Variants in USP13 observed in about 807,000 individuals in gnomAD.
The protein encoded by USP13 is ubiquitin carboxyl-terminal hydrolase 13.
In USP13, 68 loss-of-function variants were observed where a neutral mutation model predicts 107.8. The observed-to-expected ratio is 0.63, with a 90% confidence interval of 0.52 to 0.77. USP13 has a LOEUF of 0.77. Among genes scored for constraint, USP13 ranks in the 30% least tolerant of loss-of-function variants. The pLI, the probability that USP13 is intolerant of heterozygous loss-of-function variation, is 0.00. For synonymous variants in USP13, 377 were observed against 389.5 expected, an observed-to-expected ratio of 0.97 and a Z score of 0.38; for missense variants, 945 against 1,093.3, an observed-to-expected ratio of 0.86 and a Z score of 1.91.
chr3:179,719,094 G>A (rs1713213615), intron 6 of USP13, among the ~76,000 whole-genome samples: 2 of 152,076 alleles, frequency 1.3e-5, no homozygotes, highest in Admixed American at 6.6e-5. Context: ...GAGAAGCCAG[G>A]TTCAGTCAAA....
chr3:179,656,225 T>C (rs1039514935), intron 1 of USP13, among the ~76,000 whole-genome samples: 1 of 152,252 alleles, frequency 6.6e-6, no homozygotes, highest in Non-Finnish European at 1.5e-5. Flanking sequence ...AAGATACATT[T>C]GGCAAGTAGC....
intron 10 of USP13, among the ~76,000 whole-genome samples, chr3:179,731,425 A>G (rs768267718): frequency 6.6e-6 from 1 of 152,118 alleles, no homozygotes; most frequent in East Asian, 1.9e-4. Context: ...CAAACAAAAA[A>G]CAACACATAG....
chr3:179,763,952 A>C, intron 17 of USP13, 50 bp from the exon 18 acceptor site: 5 of 485,378 alleles, frequency 1.0e-5, no homozygotes, highest in African/African-American at 2.1e-5. Context: ...TTTCAGGACA[A>C]AAAAAAAAAA....
intron 13 of USP13, among the ~76,000 whole-genome samples, chr3:179,751,720 CA>C (rs1261786578): frequency 6.6e-6 from 1 of 151,892 alleles, no homozygotes; most frequent in Non-Finnish European, 1.5e-5. Context: ...GAAACAGGTC[CA>C]AAAGCATTCT....
At chr3:179,752,186 A>G in intron 13 of USP13, 99 bp from the exon 14 acceptor site, 1 of 983,400 alleles carries the variant, frequency 1.0e-6, no homozygotes, top group Non-Finnish European at 1.6e-6. Flanking sequence ...AGCCATTGGA[A>G]TGGCCAGGTG....
intron 19 of USP13, among the ~76,000 whole-genome samples, chr3:179,776,411 C>T (rs1715540629): frequency 1.3e-5 from 2 of 152,144 alleles, no homozygotes; most frequent in African/African-American, 4.8e-5. Context: ...GTTTCATAAA[C>T]TCTTTTTAAA....
chr3:179,779,309 G>T (rs1413058214), intron 19 of USP13, among the ~76,000 whole-genome samples: 2 of 151,874 alleles, frequency 1.3e-5, no homozygotes, highest in East Asian at 3.9e-4. Flanking sequence ...CGAGATGGGT[G>T]GATCATGAGG....
Position 179,763,950 on chromosome 3 carries a change from CAAAAAAA to C in USP13, c.2093-39_2093-33del, listed in dbSNP as rs556912091. 7.1e-5 allele frequency: 88 copies of C among 1,234,074 alleles called. No individual in the cohort carries two copies. In the Middle Eastern group the frequency reaches 7.7e-4, roughly 11 times the overall value. The allele number at this position is 1,234,074 out of a possible 1,614,324, so 76.4% of individuals were successfully genotyped here. On this transcript the variant is annotated intron_variant, in intron 17 of 20. Transcript: ENST00000263966. ...TTTCCTTGTTAGTGTTGTTTCAGGA[CAAAAAAA>C]AAAAAAAAAAAAGGAAAAGACTTGG... is the stretch of plus-strand genomic sequence containing the variant.
chr3:179,730,339 A>G, intron 9 of USP13, 79 bp downstream of exon 9: 1 of 1,386,612 alleles, frequency 7.2e-7, no homozygotes, highest in Non-Finnish European at 1.0e-6. Context: ...TCTGGGTTGC[A>G]AAATTAAAGG....
At chr3:179,736,601 C>T (rs755868388) in intron 10 of USP13, among the ~76,000 whole-genome samples, 6 of 152,146 alleles carry the variant, frequency 3.9e-5, no homozygotes, top group Admixed American at 2.6e-4. Flanking sequence ...TCTAAATGAT[C>T]GACAACTCTC....
intron 10 of USP13, among the ~76,000 whole-genome samples, chr3:179,731,629 T>C (rs149423235): frequency 8.6e-4 from 131 of 152,332 alleles, no homozygotes; most frequent in African/African-American, 2.9e-3. Flanking sequence ...GCATTTCCAC[T>C]GGACCCTCCC....
intron 1 of USP13, among the ~76,000 whole-genome samples, chr3:179,679,022 C>T (rs150382730): frequency 0.011 from 1,606 of 152,202 alleles, 24 homozygotes; most frequent in Middle Eastern, 0.017. Flanking sequence ...GTATATGCTA[C>T]AGTAGGAGGC....
chr3:179,714,400 T>G (rs1713031397), intron 6 of USP13, among the ~76,000 whole-genome samples: 1 of 152,248 alleles, frequency 6.6e-6, no homozygotes. Context: ...AGTTTTGGCC[T>G]GGCCTCGGCC....
chr3:179,670,146 C>T (rs1720707467), intron 1 of USP13, among the ~76,000 whole-genome samples: 1 of 152,208 alleles, frequency 6.6e-6, no homozygotes, highest in Non-Finnish European at 1.5e-5. Context: ...TCCTTCTTTG[C>T]TTGCCTGACT....
At chr3:179,775,723 C>T (rs1036398807) in intron 19 of USP13, among the ~76,000 whole-genome samples, 4 of 152,196 alleles carry the variant, frequency 2.6e-5, no homozygotes, top group Admixed American at 6.5e-5. Flanking sequence ...GCACTGCTGG[C>T]GGACCTGGCA....
intron 4 of USP13, among the ~76,000 whole-genome samples, chr3:179,705,867 C>T (rs996103170): frequency 2.0e-5 from 3 of 152,004 alleles, no homozygotes; most frequent in East Asian, 1.9e-4. Flanking sequence ...GGACTACAGG[C>T]GCATGCCACC....
intron 8 of USP13, among the ~76,000 whole-genome samples, chr3:179,726,684 T>C (rs1051464904): frequency 1.4e-4 from 1 of 7,208 alleles, no homozygotes; most frequent in East Asian, 0.02. Flanking sequence ...CTGGTAGGCT[T>C]TTTTTTTTTT....
At chr3:179,734,396 C>G (rs753532216) in intron 10 of USP13, among the ~76,000 whole-genome samples, 26 of 152,204 alleles carry the variant, frequency 1.7e-4, no homozygotes, top group Non-Finnish European at 3.2e-4. Flanking sequence ...CACTCTACCT[C>G]ATTTCTTCCT....
At chr3:179,671,215 AGAGT>A (rs1330786323) in intron 1 of USP13, among the ~76,000 whole-genome samples, 3 of 152,132 alleles carry the variant, frequency 2.0e-5, no homozygotes, top group Non-Finnish European at 4.4e-5. Context: ...TCTGGGCAAC[AGAGT>A]GAGACTCTCT....
Sources: allele counts gnomAD v4.1 joint callset (sites outside exome capture counted in the v4.1 genomes callset), GRCh38; gene constraint gnomAD v4.1.1; transcripts MANE v1.5; gene names NCBI Gene and HGNC (gene_info 2026-07-23, HGNC 2026-07-21).